NEO1: variants seen among roughly 807,000 people sequenced by gnomAD.
The protein encoded by NEO1 is neogenin 1.
Under a neutral mutation model 159.7 loss-of-function variants are expected in NEO1, and 63 were observed. The ratio of observed to expected loss-of-function variants is 0.39; its 90% CI spans 0.32 to 0.49. The LOEUF is 0.49. Among genes scored for constraint, NEO1 ranks in the 20% least tolerant of loss-of-function variants. The pLI is 0.85. For missense variants in NEO1, 1,615 were observed against 1,831.0 expected (o/e 0.88, Z 2.15); for synonymous variants, 633 against 662.0 (o/e 0.96, Z 0.67).
chr15:73,075,914 A>G, intron 1 of NEO1, among the ~76,000 whole-genome samples: 1 of 152,158 alleles, frequency 6.6e-6, no homozygotes, highest in Non-Finnish European at 1.5e-5. Flanking sequence ...GACTAGGATT[A>G]TGCCACATTC....
At chr15:73,143,669 T>C (rs2032626190) in intron 5 of NEO1, among the ~76,000 whole-genome samples, 1 of 152,120 alleles carries the variant, frequency 6.6e-6, no homozygotes, top group African/African-American at 2.4e-5. Context: ...TCTTAGCACT[T>C]TCCCCCTAAA....
chr15:73,105,044 TGTG>T (rs2070612461), intron 1 of NEO1, among the ~76,000 whole-genome samples: 1 of 152,160 alleles, frequency 6.6e-6, no homozygotes, highest in South Asian at 2.1e-4. Flanking sequence ...TCTTGAAAAA[TGTG>T]GTCACTTTAT....
Position 73,228,091 on chromosome 15 carries a change from C to G in NEO1, c.1292-8256C>G, listed in dbSNP as rs115347701. 9.6e-3 allele frequency among the ~76,000 whole-genome samples: 1,464 copies of G among 152,238 alleles called. 30 individuals carry two copies. Among genetic ancestry groups the G allele is most frequent in the African/African-American group, 0.034 (1,394 of 41,524 alleles). On this transcript the variant is annotated intron_variant, in intron 7 of 28. Coordinates refer to ENST00000261908, the MANE Select transcript of NEO1 (RefSeq NM_002499.4). The stretch of plus-strand genomic sequence containing the variant: ...ACAGTCCTAGGACATTTCTTTTGCT[C>G]AAAACACCTGAGCTTAAAATCTGTC...
chr15:73,108,287 C>T (rs2070791398), intron 1 of NEO1, among the ~76,000 whole-genome samples: 1 of 152,104 alleles, frequency 6.6e-6, no homozygotes, highest in Admixed American at 6.6e-5. Context: ...TATCACATTG[C>T]CCCTTGTCTT....
chr15:73,054,089 C>G (rs1239518028), intron 1 of NEO1, among the ~76,000 whole-genome samples: 1 of 152,076 alleles, frequency 6.6e-6, no homozygotes, highest in Non-Finnish European at 1.5e-5. Flanking sequence ...CATGATGTAC[C>G]CTTATACATT....
intron 25 of NEO1, among the ~76,000 whole-genome samples, chr15:73,290,521 C>T (rs1041668013): frequency 0.058 from 9 of 154 alleles, no homozygotes; most frequent in Admixed American, 0.11. Context: ...GCCTGAGCCA[C>T]CACCACCCGC....
chr15:73,273,149 G>A (rs2041251730), intron 19 of NEO1, among the ~76,000 whole-genome samples: 1 of 152,026 alleles, frequency 6.6e-6, no homozygotes, highest in African/African-American at 2.4e-5. Flanking sequence ...CAGTAGAGGG[G>A]ACACTCTGCC....
rs564220615 is a variant in NEO1, at chr15:73,230,985, T to C, written c.1292-5362T>C. Among the ~76,000 whole-genome samples, 3 of 152,316 alleles carry C rather than the reference T, an allele frequency of 2.0e-5. No homozygotes were observed. In the East Asian group the frequency reaches 5.8e-4, roughly 29 times the overall value. On this transcript the variant is annotated intron_variant, in intron 7 of 28. Coordinates refer to ENST00000261908, the MANE Select transcript of NEO1 (RefSeq NM_002499.4). The stretch of plus-strand genomic sequence containing the variant: ...GTTTAATTTTCAAATATTTGGGGTT[T>C]TCTCAGATTTCTTTTTAATTCTGTC...
At chr15:73,233,972 A>C (rs981227916) in intron 7 of NEO1, among the ~76,000 whole-genome samples, 2 of 152,188 alleles carry the variant, frequency 1.3e-5, no homozygotes, top group Non-Finnish European at 1.5e-5. Context: ...CCAACCTCGC[A>C]TATTAGAAGA....
At position 73,158,208 on chromosome 15, in the gene NEO1, CTTTTTTTTTTTTT is replaced by C. The variant is rs1047852394; in HGVS notation, c.1016-18182_1016-18170del. Among the ~76,000 whole-genome samples, 80 of 82,556 alleles carry C rather than the reference CTTTTTTTTTTTTT, an allele frequency of 9.7e-4. No individual in the cohort carries two copies. The Middle Eastern group carries it at 0.033, about 34-fold the overall frequency. 54.2% of individuals were successfully genotyped at this position (82,556 alleles called of 152,430 possible). A position where few individuals can be genotyped will look rare whatever the true frequency, so the allele number is the denominator to read the frequency against. ...CCAGCCTGGGAGAAAGAGTGAGACT[CTTTTTTTTTTTTT>C]TTTTTTTTTTTTACAATTTTTTCTT... On this transcript the variant is annotated intron_variant, in intron 5 of 28. Transcript: ENST00000261908.
At chr15:73,265,649 C>T (rs1338047636) in intron 15 of NEO1, among the ~76,000 whole-genome samples, 1 of 152,140 alleles carries the variant, frequency 6.6e-6, no homozygotes, top group African/African-American at 2.4e-5. Flanking sequence ...TTGCCAGTCA[C>T]GAAGTAAGTC....
chr15:73,168,381 G>GT (rs1491174800), intron 5 of NEO1, among the ~76,000 whole-genome samples: 3 of 28,268 alleles, frequency 1.1e-4, no homozygotes, highest in African/African-American at 4.1e-4. Context: ...ACGGGGGGTG[G>GT]GGGGGGGGGG....
chr15:73,065,667 A>G (rs2068178532), intron 1 of NEO1, among the ~76,000 whole-genome samples: 1 of 152,150 alleles, frequency 6.6e-6, no homozygotes, highest in South Asian at 2.1e-4. Flanking sequence ...TGTCACTATG[A>G]TGTGCCTAGT....
chr15:73,126,734 G>T, intron 4 of NEO1, 164 bp downstream of exon 4: 2 of 538,664 alleles, frequency 3.7e-6, no homozygotes, highest in Non-Finnish European at 6.0e-6. Flanking sequence ...TATATGATGA[G>T]GATATTTAAA....
At chr15:73,096,402 G>A (rs900373057) in intron 1 of NEO1, among the ~76,000 whole-genome samples, 6 of 152,088 alleles carry the variant, frequency 3.9e-5, no homozygotes, top group African/African-American at 1.4e-4. Context: ...GATGAAACGT[G>A]GCTTTACCAG....
intron 1 of NEO1, among the ~76,000 whole-genome samples, chr15:73,104,940 G>A (rs1469663082): frequency 6.6e-6 from 1 of 152,124 alleles, no homozygotes; most frequent in Non-Finnish European, 1.5e-5. Context: ...CTGCCACCAG[G>A]CCTCACCTCC....
At chr15:73,054,338 A>C (rs546056238) in intron 1 of NEO1, among the ~76,000 whole-genome samples, 1 of 152,364 alleles carries the variant, frequency 6.6e-6, no homozygotes, top group Non-Finnish European at 1.5e-5. Flanking sequence ...GGATAATAAA[A>C]ATAATGCAAG....
chr15:73,060,249 T>TTTTG (rs887772356), intron 1 of NEO1, among the ~76,000 whole-genome samples: 17 of 152,034 alleles, frequency 1.1e-4, no homozygotes, highest in South Asian at 8.3e-4. Flanking sequence ...GGATAACTAG[T>TTTTG]TTTGTTTGTT....
chr15:73,117,907 T>G (rs182058753), intron 2 of NEO1, among the ~76,000 whole-genome samples: 1 of 151,794 alleles, frequency 6.6e-6, no homozygotes, highest in African/African-American at 2.4e-5. Context: ...CTTGCTTCCT[T>G]CTTTCCTCTT....
Sources: gnomAD v4.1 joint callset for allele counts (sites outside exome capture counted in the v4.1 genomes callset) on GRCh38, gnomAD v4.1.1 for gene constraint, MANE v1.5 for transcripts, NCBI Gene and HGNC (gene_info 2026-07-23, HGNC 2026-07-21) for gene names.